The following CSPP1 variants were observed in gnomAD, a reference collection of about 807,000 sequenced individuals.
CSPP1 encodes centrosome and spindle pole associated protein 1.
In CSPP1, 126 loss-of-function variants were observed where a neutral mutation model predicts 164.4. The observed-to-expected ratio is 0.77, with a 90% CI of 0.66 to 0.89. The LOEUF is 0.89. CSPP1 is among the 40% of genes least tolerant of loss of function. The probability of loss-of-function intolerance (pLI) is 0.00; values close to 1 mark genes in which losing one functional copy is unlikely to be tolerated. For missense variants in CSPP1, 1,395 were observed against 1,449.8 expected (o/e 0.96, Z 0.61); for synonymous variants, 472 against 476.7 (o/e 0.99, Z 0.13).
At chr8:67,125,930 T>G (rs1458569681) in intron 15 of CSPP1, among the ~76,000 whole-genome samples, 2 of 152,196 alleles carry the variant, frequency 1.3e-5, no homozygotes, top group Non-Finnish European at 2.9e-5. Context: ...CCTCCCAGGT[T>G]CAAGCGATTG....
intron 17 of CSPP1, among the ~76,000 whole-genome samples, chr8:67,144,387 G>T (rs1332831329): frequency 6.6e-6 from 1 of 152,080 alleles, no homozygotes; most frequent in East Asian, 1.9e-4. Flanking sequence ...TTATAATGTT[G>T]TCTGGTTTTG....
At chr8:67,091,743 A>C (rs1811645908) in intron 4 of CSPP1, 60 bp from the exon 5 acceptor site, 1 of 514,674 alleles carries the variant, frequency 1.9e-6, no homozygotes, top group Non-Finnish European at 3.3e-6. Flanking sequence ...AGACACATTT[A>C]TGCAACATAT....
In CSPP1 at chr8:67,164,395, G is replaced by GA. The variant is rs863225190; in HGVS notation, c.2723dup (p.Asn908LysfsTer15). Reference sequence around the variant, plus strand: ...CTTATCAATGGGAATTTGCAGAGGAGAAAAAAAATGTAATTATGGAATTAT... The same window carrying GA: ...CTTATCAATGGGAATTTGCAGAGGAGAAAAAAAAATGTAATTATGGAATTAT... On this transcript the variant is annotated frameshift_variant, in exon 24 of 31. Coordinates refer to ENST00000678616, the MANE Select transcript of CSPP1 (RefSeq NM_001382391.1). LOFTEE classifies it high-confidence loss of function. The GA allele has an allele frequency of 2.9e-5, 44 of 1,522,142 alleles. No individual in the cohort carries two copies. The highest frequency in any genetic ancestry group is 3.5e-5 in the Non-Finnish European group (38 of 1,098,580). The allele number at this position is 1,522,142 out of a possible 1,614,324, so 94.3% of individuals were successfully genotyped here. A position where few individuals can be genotyped will look rare whatever the true frequency, so the allele number is the denominator to read the frequency against.
chr8:67,167,403 C>T (rs1327002208), intron 24 of CSPP1, among the ~76,000 whole-genome samples: 2 of 149,328 alleles, frequency 1.3e-5, no homozygotes, highest in Non-Finnish European at 3.0e-5. Context: ...GGCTGCCCCC[C>T]ACCTCCCTCC....
At chr8:67,123,107 G>C (rs1819312228) in intron 15 of CSPP1, 1 of 152,226 alleles carries the variant, frequency 6.6e-6, no homozygotes, top group Non-Finnish European at 1.5e-5. Flanking sequence ...GTGTTGCCCA[G>C]TGTGATCTTG....
intron 15 of CSPP1, among the ~76,000 whole-genome samples, chr8:67,120,432 T>G (rs903782143): frequency 2.0e-5 from 3 of 152,216 alleles, no homozygotes; most frequent in Non-Finnish European, 4.4e-5. Context: ...GAGTAGTGAG[T>G]GTATTGAATC....
chr8:67,137,476 A>C lies in CSPP1; in HGVS notation c.1848A>C (p.Arg616Ser), dbSNP rs916788117. ...TCAAGATTCGGGAAAGAGAAGAAAG[A>C]AGGAAGAAAGAACGTGAAGAAAAAG... is the stretch of plus-strand genomic sequence containing the variant. ...LQQQIREREE[R>S]RKKEREEKEE... is the part of the protein sequence containing the mutation. The change falls in exon 17 of 31, where the codon AGA (arginine) becomes AGC (serine). Residue 616 changes from arginine to serine, a missense_variant. Transcript: ENST00000678616. 2 of 1,532,158 alleles carry C rather than the reference A, an allele frequency of 1.3e-6. No individual in the cohort carries two copies. Among genetic ancestry groups the C allele is most frequent in the Non-Finnish European group, 1.8e-6 (2 of 1,124,298 alleles). 94.9% of individuals were successfully genotyped at this position (1,532,158 alleles called of 1,614,324 possible).
intron 10 of CSPP1, 108 bp downstream of exon 10, chr8:67,112,173 T>G: frequency 1.7e-6 from 1 of 593,178 alleles, no homozygotes; most frequent in East Asian, 3.1e-5. Context: ...GTTTGATTTG[T>G]AAATCACTTA....
At chr8:67,086,308 A>G in intron 4 of CSPP1, 198 bp downstream of exon 4, 1 of 635,536 alleles carries the variant, frequency 1.6e-6, no homozygotes, top group Non-Finnish European at 2.9e-6. Context: ...CCATAGAATG[A>G]TACAGACTTT....
chr8:67,091,009 A>G (rs1175614413), intron 4 of CSPP1, among the ~76,000 whole-genome samples: 1 of 152,108 alleles, frequency 6.6e-6, no homozygotes, highest in Non-Finnish European at 1.5e-5. Context: ...GTATTTTTTT[A>G]CCAATTGGGG....
rs1837011607 is a variant in CSPP1 at position 67,193,528 on chromosome 8, T to C, written c.3395T>C (p.Val1132Ala). ...LSLKSISSVN[V>A]DELRVRNEER... ...CTAAAATCTATATCCAGTGTAAATGTTGATGAGCTTAGAGTGAGAAATGAG... is the reference window on the plus strand; with the variant it reads ...CTAAAATCTATATCCAGTGTAAATGCTGATGAGCTTAGAGTGAGAAATGAG... Residue 1132 changes from valine to alanine, a missense_variant, in exon 30 of 31, where the codon GTT (valine) becomes GCT (alanine). Val to Ala is a moderately conservative substitution (Grantham distance 64). Coordinates refer to ENST00000678616, the MANE Select transcript of CSPP1 (RefSeq NM_001382391.1). 4 of 1,612,900 alleles carry C rather than the reference T, an allele frequency of 2.5e-6. No individual in the cohort carries two copies. Among genetic ancestry groups the C allele is most frequent in the Middle Eastern group, 1.7e-4 (1 of 6,060 alleles).
chr8:67,184,138 C>G (rs1391878974), intron 28 of CSPP1, among the ~76,000 whole-genome samples: 2 of 152,120 alleles, frequency 1.3e-5, no homozygotes, highest in Admixed American at 6.5e-5. Flanking sequence ...TAGGCGTGAG[C>G]CACTGCGCCC....
In CSPP1 at chr8:67,131,922, T is replaced by A. The variant is rs754525288; in HGVS notation, c.1698-29T>A. 1.5e-5 allele frequency: 24 copies of A among 1,555,006 alleles called. No individual in the cohort carries two copies. The South Asian group carries it at 2.8e-4, about 18-fold the overall frequency. On this transcript the variant is annotated intron_variant, in intron 15 of 30. Transcript: ENST00000678616. ...TCTTCTTGCTTTGTCGTCAATGGATTTAAATTATTTATTGTGTATTTGATG... is the reference window on the plus strand; with the variant it reads ...TCTTCTTGCTTTGTCGTCAATGGATATAAATTATTTATTGTGTATTTGATG...
chr8:67,064,766 G>T (rs1805177774), intron 1 of CSPP1: 1 of 444,122 alleles, frequency 2.3e-6, no homozygotes, highest in Non-Finnish European at 4.0e-6. Context: ...CCGAGTTAAG[G>T]GTGTGGAGAG....
chr8:67,156,243 C>T (rs557883831), intron 19 of CSPP1, among the ~76,000 whole-genome samples: 7 of 152,152 alleles, frequency 4.6e-5, no homozygotes, highest in Non-Finnish European at 4.4e-5. Flanking sequence ...AACTAATACA[C>T]AGACTAACAG....
rs538457601 is a variant in CSPP1 at position 67,086,910 on chromosome 8, T to C, written c.303+800T>C. The stretch of plus-strand genomic sequence containing the variant: ...TTTCTTTTTTTTTTTTTTTACGATC[T>C]AGAAGGTTGCAATCATTTGCATTTA... On this transcript the variant is annotated intron_variant, in intron 4 of 30. Coordinates refer to ENST00000678616, the MANE Select transcript of CSPP1 (RefSeq NM_001382391.1). 6.9e-5 allele frequency: 62 copies of C among 901,326 alleles called. No individual in the cohort carries two copies. The African/African-American group carries it at 9.3e-4, about 14-fold the overall frequency. 55.8% of individuals were successfully genotyped at this position (901,326 alleles called of 1,614,324 possible). A position where few individuals can be genotyped will look rare whatever the true frequency, so the allele number is the denominator to read the frequency against.
In CSPP1 at chr8:67,118,833, G is replaced by A. The variant is rs755466509; in HGVS notation, c.1697+12G>A. On this transcript the variant is annotated intron_variant, in intron 15 of 30. Transcript: ENST00000678616. ...GCACAACCTGTTGTGTAAGTTATTA[G>A]TTAAAAGAATAATTTTTTCCCCACT... 1 of 1,579,334 alleles carries A rather than the reference G, an allele frequency of 6.3e-7. No individual in the cohort carries two copies. The highest frequency in any genetic ancestry group is 2.2e-5 in the East Asian group (1 of 44,666).
intron 24 of CSPP1, among the ~76,000 whole-genome samples, chr8:67,166,484 C>A (rs1221259530): frequency 6.6e-6 from 1 of 152,036 alleles, no homozygotes; most frequent in Non-Finnish European, 1.5e-5. Context: ...TTTGTATTCT[C>A]CAGGAATATT....
At chr8:67,136,958 C>G (rs996456392) in intron 16 of CSPP1, among the ~76,000 whole-genome samples, 7 of 151,850 alleles carry the variant, frequency 4.6e-5, no homozygotes, top group African/African-American at 1.7e-4. Context: ...GCTATGTATT[C>G]TAGCCATTGA....
Sources: gnomAD v4.1 joint callset for allele counts (sites outside exome capture counted in the v4.1 genomes callset) on GRCh38, gnomAD v4.1.1 for gene constraint, MANE v1.5 for transcripts, NCBI Gene and HGNC (gene_info 2026-07-23, HGNC 2026-07-21) for gene names.